The following XKR9 variants were observed in gnomAD, a reference collection of about 807,000 sequenced individuals.
The protein encoded by XKR9 is XK-related protein 9.
In XKR9, 32 loss-of-function variants were observed where a neutral mutation model predicts 32.0. That is an observed-to-expected ratio of 1.00 (90% CI 0.76 to 1.34). The LOEUF is 1.34. Among genes scored for constraint, XKR9 ranks in the 40% most tolerant of loss-of-function variants. The pLI is 0.00. For missense variants in XKR9, 546 were observed against 429.7 expected, an observed-to-expected ratio of 1.27 and a Z score of -2.39; for synonymous variants, 168 against 143.4, an observed-to-expected ratio of 1.17 and a Z score of -1.22.
the XKR9 span, among the ~76,000 whole-genome samples, chr8:70,931,371 A>G: frequency 9.2e-5 from 14 of 152,144 alleles, no homozygotes; most frequent in African/African-American, 3.4e-4. Context: ...TCAGGTCTGT[A>G]TGACCAGCCA....
the XKR9 span, among the ~76,000 whole-genome samples, chr8:71,044,477 A>G: frequency 1.3e-5 from 2 of 152,216 alleles, no homozygotes; most frequent in African/African-American, 2.4e-5. Context: ...TACCTGAGTG[A>G]AGCAATGATT....
At chr8:70,857,176 A>C in the XKR9 span, among the ~76,000 whole-genome samples, 5 of 152,342 alleles carry the variant, frequency 3.3e-5, no homozygotes, top group Admixed American at 3.3e-4. Context: ...AAAATCAATG[A>C]ATCCAGAAGC....
the XKR9 span, among the ~76,000 whole-genome samples, chr8:70,892,704 G>A: frequency 2.0e-5 from 3 of 152,132 alleles, no homozygotes; most frequent in Non-Finnish European, 4.4e-5. Flanking sequence ...GAAGTCTGCT[G>A]TATGTGAATA....
At chr8:70,873,051 C>T in the XKR9 span, among the ~76,000 whole-genome samples, 1 of 152,134 alleles carries the variant, frequency 6.6e-6, no homozygotes, top group South Asian at 2.1e-4. Flanking sequence ...TCTGCCTGTG[C>T]TCTAGAAATG....
At chr8:70,672,075 C>G (rs1586798409) in intron 1 of XKR9, among the ~76,000 whole-genome samples, 2 of 54,178 alleles carry the variant, frequency 3.7e-5, no homozygotes, top group South Asian at 9.6e-4. Context: ...AAAGAGGAGA[C>G]AAACAAATGG....
intron 2 of XKR9, among the ~76,000 whole-genome samples, chr8:70,753,094 T>A (rs1807165961): frequency 6.6e-6 from 1 of 152,090 alleles, no homozygotes; most frequent in Non-Finnish European, 1.5e-5. Flanking sequence ...TCACCACCGA[T>A]CCCACAGAAA....
the XKR9 span, among the ~76,000 whole-genome samples, chr8:70,961,364 G>T: frequency 6.6e-6 from 1 of 152,140 alleles, no homozygotes. Context: ...GGTGAGCAAA[G>T]GCAGGTGGAA....
At chr8:70,979,019 G>A in the XKR9 span, among the ~76,000 whole-genome samples, 2 of 151,876 alleles carry the variant, frequency 1.3e-5, no homozygotes, top group African/African-American at 4.8e-5. Context: ...TCTTCCACTT[G>A]ATCAAATTGG....
At chr8:70,880,789 A>G in the XKR9 span, among the ~76,000 whole-genome samples, 1 of 152,176 alleles carries the variant, frequency 6.6e-6, no homozygotes, top group Non-Finnish European at 1.5e-5. Context: ...TTCATATGGA[A>G]CCAAAAAAGA....
chr8:70,845,123 G>T, the XKR9 span, among the ~76,000 whole-genome samples: 252 of 152,278 alleles, frequency 1.7e-3, 6 homozygotes, highest in South Asian at 0.05. Flanking sequence ...CCTCACCACA[G>T]CCTCTATTAA....
At chr8:70,883,493 C>T in the XKR9 span, among the ~76,000 whole-genome samples, 1 of 152,006 alleles carries the variant, frequency 6.6e-6, no homozygotes, top group Admixed American at 6.6e-5. Context: ...GGTAGATACC[C>T]AGTAGTGGGA....
At chr8:70,726,425 CAG>C (rs1482497862) in intron 4 of XKR9, among the ~76,000 whole-genome samples, 1 of 152,226 alleles carries the variant, frequency 6.6e-6, no homozygotes, top group Non-Finnish European at 1.5e-5. Flanking sequence ...GTTCAGCACA[CAG>C]AGTTCTGAAT....
chr8:70,757,709 C>A (rs994650969), intron 2 of XKR9, among the ~76,000 whole-genome samples: 1 of 152,054 alleles, frequency 6.6e-6, no homozygotes, highest in Non-Finnish European at 1.5e-5. Context: ...CCTTAGCCTC[C>A]CCAAGTAGCT....
the XKR9 span, among the ~76,000 whole-genome samples, chr8:70,953,197 A>G: frequency 1.3e-5 from 2 of 152,260 alleles, no homozygotes; most frequent in African/African-American, 2.4e-5. Context: ...GTGTAGGAGA[A>G]CAATGATTAT....
At chr8:70,769,968 G>T (rs1323432525) in intron 2 of XKR9, among the ~76,000 whole-genome samples, 2 of 152,060 alleles carry the variant, frequency 1.3e-5, no homozygotes, top group African/African-American at 4.8e-5. Flanking sequence ...TCTCCATCCA[G>T]TTGTGTTCCC....
chr8:70,968,847 C>G, the XKR9 span, among the ~76,000 whole-genome samples: 16 of 152,290 alleles, frequency 1.1e-4, no homozygotes, highest in Admixed American at 1.3e-4. Flanking sequence ...GGGGCACAGA[C>G]CTGATGCTTC....
intron 4 of XKR9, among the ~76,000 whole-genome samples, chr8:70,731,479 A>C (rs564454796): frequency 6.6e-6 from 1 of 152,302 alleles, no homozygotes; most frequent in East Asian, 1.9e-4. Flanking sequence ...GGAACCATAG[A>C]CAAAAGATTC....
chr8:70,844,068 C>T, the XKR9 span, among the ~76,000 whole-genome samples: 1 of 152,192 alleles, frequency 6.6e-6, no homozygotes, highest in Non-Finnish European at 1.5e-5. Flanking sequence ...GTGCAGCTTA[C>T]CAAGGACGAT....
At chr8:70,789,698 T>C (rs1807738267) in intron 3 of XKR9, among the ~76,000 whole-genome samples, 1 of 151,514 alleles carries the variant, frequency 6.6e-6, no homozygotes, top group Non-Finnish European at 1.5e-5. Flanking sequence ...GGGATCTTAA[T>C]TTTTCATGAC....
Sources: gnomAD v4.1 joint callset for allele counts (sites outside exome capture counted in the v4.1 genomes callset) on GRCh38, gnomAD v4.1.1 for gene constraint, MANE v1.5 for transcripts, NCBI Gene and HGNC (gene_info 2026-07-23, HGNC 2026-07-21) for gene names.